Variants in RERE observed in about 807,000 individuals in gnomAD.
The protein encoded by RERE is arginine-glutamic acid dipeptide repeats.
Under a neutral mutation model 146.1 loss-of-function variants are expected in RERE, and 40 were observed. The ratio of observed to expected loss-of-function variants is 0.27; its 90% CI spans 0.21 to 0.36. The LOEUF (loss-of-function observed/expected upper bound fraction) is 0.36. Among genes scored for constraint, RERE ranks in the 10% least tolerant of loss-of-function variants. The pLI, the probability that RERE is intolerant of heterozygous loss-of-function variation, is 1.00. For synonymous variants in RERE, 1,003 were observed against 866.0 expected, an observed-to-expected ratio of 1.16 and a Z score of -2.78; for missense variants, 1,933 against 2,138.7, an observed-to-expected ratio of 0.90 and a Z score of 1.90.
chr1:8,387,321 CCCACGGA>C (rs1337385384), intron 12 of RERE, among the ~76,000 whole-genome samples: 1 of 152,114 alleles, frequency 6.6e-6, no homozygotes, highest in African/African-American at 2.4e-5. Flanking sequence ...AATCACCAAA[CCCACGGA>C]CTAAGAACTT....
At chr1:8,706,335 C>T (rs1249044831) in intron 1 of RERE, among the ~76,000 whole-genome samples, 1 of 151,936 alleles carries the variant, frequency 6.6e-6, no homozygotes, top group Non-Finnish European at 1.5e-5. Flanking sequence ...ATTTTTATCC[C>T]CATTTTATGA....
chr1:8,440,186 C>G (rs72636937), intron 11 of RERE, among the ~76,000 whole-genome samples: 18 of 152,330 alleles, frequency 1.2e-4, no homozygotes, highest in Non-Finnish European at 2.2e-4. Flanking sequence ...AAACTGTCAT[C>G]TTGGACTCTG....
chr1:8,757,846 A>C (rs1640671402), intron 1 of RERE, among the ~76,000 whole-genome samples: 1 of 152,120 alleles, frequency 6.6e-6, no homozygotes, highest in Non-Finnish European at 1.5e-5. Context: ...GAATCAACCT[A>C]AGTGTCCATC....
chr1:8,775,851 C>G (rs1026649388), intron 1 of RERE, among the ~76,000 whole-genome samples: 29 of 152,130 alleles, frequency 1.9e-4, no homozygotes, highest in Non-Finnish European at 3.4e-4. Context: ...TTACTACTAT[C>G]TCCATTTTGT....
chr1:8,627,141 C>T (rs1448031700), intron 2 of RERE, among the ~76,000 whole-genome samples: 1 of 152,130 alleles, frequency 6.6e-6, no homozygotes, highest in Non-Finnish European at 1.5e-5. Context: ...CTCCTCATGG[C>T]TCCTCTGTAA....
intron 1 of RERE, among the ~76,000 whole-genome samples, chr1:8,772,335 T>G (rs1297825168): frequency 6.6e-6 from 1 of 152,208 alleles, no homozygotes; most frequent in Non-Finnish European, 1.5e-5. Flanking sequence ...CTTTATCCTC[T>G]TGAAGCATCA....
intron 4 of RERE, among the ~76,000 whole-genome samples, chr1:8,609,565 A>C (rs942936208): frequency 3.9e-5 from 6 of 152,158 alleles, no homozygotes; most frequent in African/African-American, 1.4e-4. Flanking sequence ...GGCATACTTA[A>C]TGGGGAGTAT....
intron 3 of RERE, among the ~76,000 whole-genome samples, chr1:8,615,119 C>T (rs1176816664): frequency 6.6e-6 from 1 of 152,174 alleles, no homozygotes; most frequent in Admixed American, 6.5e-5. Flanking sequence ...AAGCTAGAGA[C>T]ATAAGACATG....
At chr1:8,359,646 C>T (rs1641469399) in intron 19 of RERE, 118 bp downstream of exon 19, 1 of 1,149,750 alleles carries the variant, frequency 8.7e-7, no homozygotes, top group African/African-American at 1.5e-5. Flanking sequence ...GCACCCAACC[C>T]TCTAGCTGCC....
rs1402309217 is a variant in RERE at position 8,422,801 on chromosome 1, A to T, written c.1210T>A (p.Phe404Ile). 4 of 1,613,400 alleles carry T rather than the reference A, an allele frequency of 2.5e-6. No homozygotes were observed. The highest frequency in any genetic ancestry group is 3.4e-6 in the Non-Finnish European group (4 of 1,179,384). The stretch of plus-strand genomic sequence containing the variant: ...CCGTACTGCCTGAGTCCCTTAACGA[A>T]GCGTTTCTGTGATAAAAAGAAACAA... ...KCWTEDEVKR[F>I]VKGLRQYGKN... The change falls in exon 12 of 23, where the codon TTC becomes ATC. Residue 404 changes from phenylalanine (F) to isoleucine (I), a missense_variant. Phe to Ile is a conservative substitution (Grantham distance 21, BLOSUM62 0). Coordinates refer to ENST00000400908, the MANE Select transcript of RERE (RefSeq NM_001042681.2).
intron 10 of RERE, among the ~76,000 whole-genome samples, chr1:8,474,669 C>G (rs989624224): frequency 7.2e-5 from 11 of 152,220 alleles, no homozygotes; most frequent in Non-Finnish European, 1.3e-4. Flanking sequence ...TCTGACATCT[C>G]TGGTCTCACA....
rs1491129513 is a variant in RERE at position 8,647,678 on chromosome 1, T to TG, written c.325+8294_325+8295insC. ...GTGTGTGTGTGTGTGTGTGTGTGTG[T>TG]CCCCTGGAACACCAAATACCACATC... On this transcript the variant is annotated intron_variant, in intron 2 of 22. Coordinates refer to ENST00000400908, the MANE Select transcript of RERE (RefSeq NM_001042681.2). 3.4e-3 allele frequency among the ~76,000 whole-genome samples: 506 copies of TG among 150,330 alleles called. 5 individuals carry two copies. Among genetic ancestry groups the TG allele is most frequent in the African/African-American group, 0.012 (486 of 40,844 alleles).
At chr1:8,376,678 C>T (rs773949248) in intron 12 of RERE, among the ~76,000 whole-genome samples, 1 of 152,252 alleles carries the variant, frequency 6.6e-6, no homozygotes, top group South Asian at 2.1e-4. Flanking sequence ...GTGGCCTTCA[C>T]CTGCCTCTTG....
chr1:8,763,367 T>A (rs1640789444), intron 1 of RERE, among the ~76,000 whole-genome samples: 1 of 152,236 alleles, frequency 6.6e-6, no homozygotes, highest in Non-Finnish European at 1.5e-5. Flanking sequence ...GCGCAGTGGC[T>A]CACACCTGTA....
intron 6 of RERE, among the ~76,000 whole-genome samples, chr1:8,549,577 T>C (rs940142677): frequency 4.6e-5 from 7 of 152,100 alleles, no homozygotes; most frequent in African/African-American, 1.7e-4. Flanking sequence ...ACAGGTGAAA[T>C]CCACTGATAG....
intron 8 of RERE, among the ~76,000 whole-genome samples, chr1:8,501,213 G>A (rs1033763671): frequency 7.7e-3 from 981 of 126,818 alleles, no homozygotes; most frequent in Middle Eastern, 0.011. Context: ...AGGTGGGGGG[G>A]TCAGCCCCCC....
intron 1 of RERE, chr1:8,792,355 C>T (rs1051547037): frequency 1.3e-5 from 2 of 152,162 alleles, no homozygotes; most frequent in South Asian, 2.1e-4. Flanking sequence ...TCAATTCTTA[C>T]GGGATCCTCT....
At chr1:8,663,463 C>T (rs1366203767) in intron 1 of RERE, among the ~76,000 whole-genome samples, 3 of 152,100 alleles carry the variant, frequency 2.0e-5, no homozygotes, top group Non-Finnish European at 4.4e-5. Context: ...TGTAATGGAC[C>T]CACTGCTCCA....
Position 8,756,522 on chromosome 1 carries a change from A to G in RERE, c.-145+60638T>C, listed in dbSNP as rs533996025. The stretch of plus-strand genomic sequence containing the variant: ...TCAGTACAATCAAAATGAGAACCAT[A>G]TTTCTGTTTAACTTTATGCATCTTG... On this transcript the variant is annotated intron_variant, in intron 1 of 22. Coordinates refer to ENST00000400908, the MANE Select transcript of RERE (RefSeq NM_001042681.2). Among the ~76,000 whole-genome samples, 5 of 152,304 alleles carry G rather than the reference A, an allele frequency of 3.3e-5. No individual in the cohort carries two copies. The South Asian group carries it at 1.0e-3, about 32-fold the overall frequency.
Sources: gnomAD v4.1 joint callset for allele counts (sites outside exome capture counted in the v4.1 genomes callset) on GRCh38, gnomAD v4.1.1 for gene constraint, MANE v1.5 for transcripts, NCBI Gene and HGNC (gene_info 2026-07-23, HGNC 2026-07-21) for gene names.